FGGY: variants seen among roughly 807,000 people sequenced by gnomAD.
FGGY encodes the protein FGGY carbohydrate kinase domain containing.
In FGGY, 72 loss-of-function variants were observed where a neutral mutation model predicts 71.3. The observed-to-expected ratio is 1.01, with a 90% CI of 0.84 to 1.23. The LOEUF is 1.23. FGGY is among the 50% of genes most tolerant of loss of function. The pLI is 0.00. For synonymous variants in FGGY, 251 were observed against 250.3 expected, an observed-to-expected ratio of 1.00 and a Z score of -0.02; for missense variants, 668 against 682.3, an observed-to-expected ratio of 0.98 and a Z score of 0.23.
chr1:59,601,739 A>G (rs1186305155), intron 8 of FGGY, among the ~76,000 whole-genome samples: 3 of 152,210 alleles, frequency 2.0e-5, no homozygotes, highest in African/African-American at 7.2e-5. Flanking sequence ...ATTGGCTCTG[A>G]TGTCTGTCTT....
intron 14 of FGGY, among the ~76,000 whole-genome samples, chr1:59,679,821 A>G (rs1226555833): frequency 6.6e-6 from 1 of 152,106 alleles, no homozygotes; most frequent in Non-Finnish European, 1.5e-5. Context: ...TTTTCTACCT[A>G]ATAGAATATA....
At chr1:59,381,665 GTGTGTA>G (rs1218557400) in intron 5 of FGGY, among the ~76,000 whole-genome samples, 65 of 140,564 alleles carry the variant, frequency 4.6e-4, no homozygotes, top group African/African-American at 1.1e-3. Flanking sequence ...GTGTGTGTGT[GTGTGTA>G]TATTTTGGCC....
chr1:59,709,951 A>G (rs766185414), intron 14 of FGGY, among the ~76,000 whole-genome samples: 1 of 151,912 alleles, frequency 6.6e-6, no homozygotes, highest in Non-Finnish European at 1.5e-5. Flanking sequence ...CCACCCTGAG[A>G]CACAGGGGGC....
chr1:59,630,085 G>A (rs2096894633), intron 10 of FGGY, among the ~76,000 whole-genome samples: 1 of 152,002 alleles, frequency 6.6e-6, no homozygotes, highest in Admixed American at 6.6e-5. Context: ...TCTTCACATG[G>A]TGGCAAGAGA....
chr1:59,394,379 G>A (rs1303167615), intron 5 of FGGY, among the ~76,000 whole-genome samples: 1 of 152,186 alleles, frequency 6.6e-6, no homozygotes, highest in Non-Finnish European at 1.5e-5. Flanking sequence ...CCTTCATGGA[G>A]GAAGGATAGT....
intron 6 of FGGY, among the ~76,000 whole-genome samples, chr1:59,481,196 G>A (rs1188396467): frequency 6.6e-6 from 1 of 152,112 alleles, no homozygotes; most frequent in Non-Finnish European, 1.5e-5. Flanking sequence ...GAAATGATGT[G>A]ATCCAAATTG....
At chr1:59,586,323 T>C (rs934851922) in intron 8 of FGGY, among the ~76,000 whole-genome samples, 5 of 152,170 alleles carry the variant, frequency 3.3e-5, no homozygotes, top group Non-Finnish European at 7.4e-5. Context: ...TGGAATACTA[T>C]GCAGCCATAA....
At chr1:59,319,777 G>C (rs574265678) in intron 1 of FGGY, among the ~76,000 whole-genome samples, 2 of 152,256 alleles carry the variant, frequency 1.3e-5, no homozygotes, top group African/African-American at 4.8e-5. Context: ...AGCCTGTGGA[G>C]GGTGTGAGAT....
chr1:59,611,392 C>T (rs539539384), intron 9 of FGGY, among the ~76,000 whole-genome samples: 1 of 152,116 alleles, frequency 6.6e-6, no homozygotes, highest in Non-Finnish European at 1.5e-5. Context: ...TACTCAGGGT[C>T]TAGAGTGAAA....
chr1:59,665,590 G>C (rs1381545546), intron 12 of FGGY, among the ~76,000 whole-genome samples: 2 of 151,864 alleles, frequency 1.3e-5, no homozygotes, highest in African/African-American at 4.8e-5. Context: ...AGACAGCCTT[G>C]TCAAAGGAGG....
intron 7 of FGGY, among the ~76,000 whole-genome samples, chr1:59,539,671 T>C (rs1418535166): frequency 2.0e-5 from 3 of 152,306 alleles, no homozygotes; most frequent in Non-Finnish European, 2.9e-5. Context: ...GACAAGGTCT[T>C]CATGACTTTG....
chr1:59,546,471 T>G (rs1279336891), intron 7 of FGGY, among the ~76,000 whole-genome samples: 7 of 151,758 alleles, frequency 4.6e-5, no homozygotes, highest in Non-Finnish European at 7.4e-5. Context: ...GTGTAAAATT[T>G]CTCTGTTGAC....
intron 7 of FGGY, among the ~76,000 whole-genome samples, chr1:59,538,118 C>T (rs1217535811): frequency 6.6e-6 from 1 of 152,108 alleles, no homozygotes; most frequent in Non-Finnish European, 1.5e-5. Context: ...GGCTAATATC[C>T]AGAATCTACA....
At chr1:59,603,820 A>G in intron 8 of FGGY, among the ~76,000 whole-genome samples, 1 of 152,220 alleles carries the variant, frequency 6.6e-6, no homozygotes. Context: ...GTTGGCTCTA[A>G]TGGCCCTTGC....
intron 14 of FGGY, among the ~76,000 whole-genome samples, chr1:59,736,751 C>T (rs534208548): frequency 6.6e-6 from 1 of 152,288 alleles, no homozygotes; most frequent in South Asian, 2.1e-4. Context: ...AATTTGCAGC[C>T]TGACAATGCA....
chr1:59,535,273 A>C (rs1454336951), intron 7 of FGGY, among the ~76,000 whole-genome samples: 6 of 152,166 alleles, frequency 3.9e-5, no homozygotes, highest in Non-Finnish European at 8.8e-5. Flanking sequence ...ATTCAACAAG[A>C]AGAGCTAACT....
At chr1:59,680,447 A>G (rs2097485328) in intron 14 of FGGY, among the ~76,000 whole-genome samples, 1 of 82,900 alleles carries the variant, frequency 1.2e-5, no homozygotes, top group Admixed American at 1.2e-4. Context: ...TTAACAATAC[A>G]TTCTTTTTTT....
Position 59,625,976 on chromosome 1 carries a change from C to G in FGGY, c.1012-12C>G. 1 of 1,592,190 alleles carries G rather than the reference C, an allele frequency of 6.3e-7. No homozygotes were observed. Among genetic ancestry groups the G allele is most frequent in the South Asian group, 1.2e-5 (1 of 85,152 alleles). On this transcript the variant is annotated splice_polypyrimidine_tract_variant and intron_variant, in intron 9 of 15. Coordinates refer to ENST00000303721, the MANE Select transcript of FGGY (RefSeq NM_018291.5). Reference sequence around the variant, plus strand: ...GAAGCTATAAAATTGACCCATGTCTCTTATTTTTCAGATAGACCACATGGT... The same window carrying G: ...GAAGCTATAAAATTGACCCATGTCTGTTATTTTTCAGATAGACCACATGGT...
chr1:59,451,802 C>T (rs191834263), intron 5 of FGGY, among the ~76,000 whole-genome samples: 63 of 152,174 alleles, frequency 4.1e-4, no homozygotes, highest in African/African-American at 1.4e-3. Context: ...ATCAGTTTCT[C>T]GTAATAGTTT....
Sources: gnomAD v4.1 joint callset for allele counts (sites outside exome capture counted in the v4.1 genomes callset) on GRCh38, gnomAD v4.1.1 for gene constraint, MANE v1.5 for transcripts, NCBI Gene and HGNC (gene_info 2026-07-23, HGNC 2026-07-21) for gene names.